Variants in GPHN observed in about 807,000 individuals in gnomAD.
GPHN encodes gephyrin.
GPHN carries 17 observed loss-of-function variants against 95.5 expected under a neutral mutation model. The ratio of observed to expected loss-of-function variants is 0.18; its 90% confidence interval spans 0.12 to 0.27. The LOEUF is 0.27. Among genes scored for constraint, GPHN ranks in the 10% least tolerant of loss-of-function variants. The pLI is 1.00. For missense variants in GPHN, 660 were observed against 978.1 expected (o/e 0.67, Z 4.34); for synonymous variants, 320 against 322.5 (o/e 0.99, Z 0.08).
At chr14:67,723,697 T>C in the GPHN span, among the ~76,000 whole-genome samples, 1 of 152,218 alleles carries the variant, frequency 6.6e-6, no homozygotes, top group Admixed American at 6.5e-5. Flanking sequence ...GAAATAATAC[T>C]GGAGAAGTTG....
At chr14:66,713,744 TG>T (rs752492421) in intron 2 of GPHN, among the ~76,000 whole-genome samples, 103 of 130,920 alleles carry the variant, frequency 7.9e-4, no homozygotes, top group Non-Finnish European at 1.1e-3. Flanking sequence ...TTTTCTTTGT[TG>T]TTTTTTTTTT....
intron 5 of GPHN, among the ~76,000 whole-genome samples, chr14:66,898,756 A>G (rs1158978960): frequency 6.6e-6 from 1 of 151,926 alleles, no homozygotes; most frequent in Non-Finnish European, 1.5e-5. Context: ...AAGTTTGTCT[A>G]TATCTACAAA....
the GPHN span, among the ~76,000 whole-genome samples, chr14:67,354,524 C>G: frequency 6.6e-6 from 1 of 152,138 alleles, no homozygotes; most frequent in Non-Finnish European, 1.5e-5. Flanking sequence ...GATGGGTACT[C>G]CAGCCTTATG....
the GPHN span, among the ~76,000 whole-genome samples, chr14:67,704,005 A>G: frequency 1.3e-5 from 2 of 152,134 alleles, no homozygotes; most frequent in African/African-American, 2.4e-5. Flanking sequence ...TGAGAATCTC[A>G]TTTTTAAAAT....
chr14:67,704,751 G>A, the GPHN span, among the ~76,000 whole-genome samples: 1 of 152,154 alleles, frequency 6.6e-6, no homozygotes, highest in Non-Finnish European at 1.5e-5. Flanking sequence ...CCCTGCCCTA[G>A]TATTTAACAA....
chr14:67,276,399 G>T, the GPHN span, among the ~76,000 whole-genome samples: 1 of 152,012 alleles, frequency 6.6e-6, no homozygotes, highest in Non-Finnish European at 1.5e-5. Context: ...CTACTATCTG[G>T]CTAATTTTTA....
intron 5 of GPHN, among the ~76,000 whole-genome samples, chr14:66,910,284 T>C (rs1030068018): frequency 2.3e-4 from 35 of 151,934 alleles, no homozygotes; most frequent in Admixed American, 3.9e-4. Flanking sequence ...ATTTCAAACA[T>C]ATACCAAATT....
intron 3 of GPHN, among the ~76,000 whole-genome samples, chr14:66,797,723 G>T (rs984360684): frequency 2.6e-5 from 4 of 151,820 alleles, no homozygotes; most frequent in African/African-American, 9.7e-5. Context: ...TAGTTTTCTT[G>T]TGTAGTCTTT....
intron 10 of GPHN, among the ~76,000 whole-genome samples, chr14:67,025,089 G>T (rs1039662974): frequency 2.0e-5 from 3 of 152,104 alleles, no homozygotes; most frequent in African/African-American, 7.2e-5. Context: ...TCTCGCATTA[G>T]ATTGCACTTT....
the GPHN span, chr14:67,387,147 G>T: frequency 1.9e-6 from 1 of 525,460 alleles, no homozygotes; most frequent in Non-Finnish European, 3.2e-6. Context: ...TTTGTAACAT[G>T]AAGATGGGGA....
the GPHN span, among the ~76,000 whole-genome samples, chr14:67,462,028 G>A: frequency 6.6e-6 from 1 of 152,232 alleles, no homozygotes; most frequent in African/African-American, 2.4e-5. Flanking sequence ...GTCCTTGACT[G>A]CCTGTCCCTG....
the GPHN span, among the ~76,000 whole-genome samples, chr14:67,413,919 G>A: frequency 1.3e-5 from 2 of 152,202 alleles, no homozygotes; most frequent in African/African-American, 4.8e-5. Context: ...CTGAATCCAA[G>A]TAGTTAAATA....
At chr14:66,986,484 C>A (rs1326010251) in intron 9 of GPHN, among the ~76,000 whole-genome samples, 1 of 151,994 alleles carries the variant, frequency 6.6e-6, no homozygotes, top group African/African-American at 2.4e-5. Context: ...GCTCAATATG[C>A]CTTGGGCACT....
At position 66,539,055 on chromosome 14, in the gene GPHN, T is replaced by C. The variant is rs1479388362; in HGVS notation, c.64+30464T>C. On this transcript the variant is annotated intron_variant, in intron 1 of 22. Transcript: ENST00000478722. Reference sequence around the variant, plus strand: ...TCCATTGACATACTCAGATTTTTGATTGAAAGACTGTCAGATTTCTTCTCC... The same window carrying C: ...TCCATTGACATACTCAGATTTTTGACTGAAAGACTGTCAGATTTCTTCTCC... 2.0e-5 allele frequency among the ~76,000 whole-genome samples: 3 copies of C among 152,312 alleles called. No homozygotes were observed. In the East Asian group the frequency reaches 5.8e-4, roughly 29 times the overall value.
At chr14:67,616,151 A>T in the GPHN span, 5 of 240,578 alleles carry the variant, frequency 2.1e-5, no homozygotes, top group Admixed American at 2.0e-4. Context: ...CCCTGTACAC[A>T]ACTCACTCCT....
chr14:66,592,200 C>A (rs9722740), intron 1 of GPHN, among the ~76,000 whole-genome samples: 15 of 152,126 alleles, frequency 9.9e-5, no homozygotes, highest in Admixed American at 5.9e-4. Flanking sequence ...CATAAAAACT[C>A]TAGAAGAAAA....
the GPHN span, chr14:67,374,371 G>A: frequency 6.7e-6 from 4 of 594,180 alleles, no homozygotes; most frequent in African/African-American, 7.5e-5. Flanking sequence ...ATAATTATAA[G>A]TATGCCAATC....
At chr14:66,586,052 G>C (rs2061406542) in intron 1 of GPHN, among the ~76,000 whole-genome samples, 1 of 152,150 alleles carries the variant, frequency 6.6e-6, no homozygotes, top group Non-Finnish European at 1.5e-5. Context: ...CTAAGAACTT[G>C]CTTTATGAAT....
chr14:66,654,577 T>C (rs956925029), intron 1 of GPHN, among the ~76,000 whole-genome samples: 1 of 152,180 alleles, frequency 6.6e-6, no homozygotes, highest in Non-Finnish European at 1.5e-5. Context: ...GATACATTGT[T>C]TGCAAAATGT....
Sources: gnomAD v4.1 joint callset for allele counts (sites outside exome capture counted in the v4.1 genomes callset) on GRCh38, gnomAD v4.1.1 for gene constraint, MANE v1.5 for transcripts, NCBI Gene and HGNC (gene_info 2026-07-23, HGNC 2026-07-21) for gene names.